UMAD1: variants seen among roughly 807,000 people sequenced by gnomAD.
UMAD1 encodes UBAP1-MVB12-associated (UMA) domain containing 1, also known as UBAP1-MVB12-associated (UMA)-domain containing protein 1.
A neutral mutation model predicts 6.1 loss-of-function variants in UMAD1; 8 were observed. The ratio of observed to expected loss-of-function variants is 1.30; its 90% confidence interval spans 0.76 to 2.35. UMAD1 has a LOEUF of 2.35. UMAD1 is among the 30% of genes most tolerant of loss of function. The pLI is 0.00. For synonymous variants in UMAD1, 56 were observed against 31.4 expected (o/e 1.78, Z -2.61); for missense variants, 130 against 78.4 (o/e 1.66, Z -2.49).
chr7:7,696,982 G>A (rs1305424378), intron 2 of UMAD1, among the ~76,000 whole-genome samples: 1 of 152,102 alleles, frequency 6.6e-6, no homozygotes, highest in East Asian at 1.9e-4. Flanking sequence ...AGCTTAGCAA[G>A]CTCAGTAAAC....
At chr7:7,724,410 G>A (rs1247389825) in intron 2 of UMAD1, among the ~76,000 whole-genome samples, 1 of 152,174 alleles carries the variant, frequency 6.6e-6, no homozygotes, top group Non-Finnish European at 1.5e-5. Flanking sequence ...GACACACTTA[G>A]TAGCTGGCAG....
At chr7:7,806,452 A>G (rs1782915529) in intron 3 of UMAD1, among the ~76,000 whole-genome samples, 1 of 152,172 alleles carries the variant, frequency 6.6e-6, no homozygotes, top group South Asian at 2.1e-4. Flanking sequence ...GCTATAGCTT[A>G]ATTAGCTTTA....
At chr7:7,703,427 C>G (rs1046119986) in intron 2 of UMAD1, among the ~76,000 whole-genome samples, 1 of 152,046 alleles carries the variant, frequency 6.6e-6, no homozygotes, top group Non-Finnish European at 1.5e-5. Flanking sequence ...TTTGTGAGTG[C>G]TCTAATTTCT....
intron 2 of UMAD1, chr7:7,676,260 A>G (rs186667924): frequency 8.8e-5 from 35 of 398,120 alleles, no homozygotes; most frequent in East Asian, 6.1e-4. Context: ...TGAGCACGAT[A>G]TCGGTACCTA....
chr7:7,648,880 C>T (rs543375997), intron 1 of UMAD1, among the ~76,000 whole-genome samples: 1 of 151,474 alleles, frequency 6.6e-6, no homozygotes, highest in Admixed American at 6.6e-5. Context: ...AAAAAAAGGC[C>T]GGGCGCGGTC....
At chr7:7,867,176 A>G (rs953587569) in intron 3 of UMAD1, among the ~76,000 whole-genome samples, 2 of 152,204 alleles carry the variant, frequency 1.3e-5, no homozygotes, top group Admixed American at 1.3e-4. Flanking sequence ...GCCAGGTTTA[A>G]AACATGTTGA....
chr7:7,877,771 G>T lies in UMAD1; in HGVS notation c.*233G>T, dbSNP rs1318280815. ...ATAATAAATATACAAATTAGGCTAT[G>T]AAGGTTTTAGGAAAGGACTCGATTC... is the stretch of plus-strand genomic sequence containing the variant. On this transcript the variant is annotated 3_prime_UTR_variant, in exon 4 of 4. Coordinates refer to ENST00000682710, the MANE Select transcript of UMAD1 (RefSeq NM_001302348.2). 2.1e-6 allele frequency: 1 copy of T among 480,242 alleles called. No homozygotes were observed. The highest frequency in any genetic ancestry group is 3.7e-6 in the Non-Finnish European group (1 of 270,094). 29.7% of individuals were successfully genotyped at this position (480,242 alleles called of 1,614,324 possible). A position where few individuals can be genotyped will look rare whatever the true frequency, so the allele number is the denominator to read the frequency against.
chr7:7,693,295 T>TTGTCTATC (rs1554315943), intron 2 of UMAD1, among the ~76,000 whole-genome samples: 1 of 148,886 alleles, frequency 6.7e-6, no homozygotes, highest in Non-Finnish European at 1.5e-5. Context: ...TAAAATATCT[T>TTGTCTATC]TATCTATCTA....
intron 3 of UMAD1, among the ~76,000 whole-genome samples, chr7:7,871,614 C>T (rs1424551629): frequency 6.6e-6 from 1 of 152,182 alleles, no homozygotes; most frequent in Non-Finnish European, 1.5e-5. Flanking sequence ...GTCTTGTCAT[C>T]ATTGTCATCC....
At chr7:7,725,123 A>T (rs762739751) in intron 2 of UMAD1, among the ~76,000 whole-genome samples, 1 of 152,218 alleles carries the variant, frequency 6.6e-6, no homozygotes, top group South Asian at 2.1e-4. Flanking sequence ...GCCTGTTGAG[A>T]TATTCCTTCT....
In UMAD1 at chr7:7,873,446, G is replaced by A. The variant is rs182847633; in HGVS notation, c.157-3835G>A. Among the ~76,000 whole-genome samples the A allele has an allele frequency of 1.4e-4, 21 of 152,282 alleles. 2 individuals are homozygous for A. The highest frequency in any genetic ancestry group is 4.6e-4 in the African/African-American group (19 of 41,562). ...TCATACCTGCACTCTTGGCTGACCC[G>A]AGGATAATTAGCATGGTGAGTCCCA... is the stretch of plus-strand genomic sequence containing the variant. On this transcript the variant is annotated intron_variant, in intron 3 of 3. Transcript: ENST00000682710.
rs189794655 is a variant in UMAD1, at chr7:7,846,902, G to C, written c.157-30379G>C. On this transcript the variant is annotated intron_variant, in intron 3 of 3. Transcript: ENST00000682710. ...AGGGGAATATCACACTCTGGGGACT[G>C]TGGTGGGGTCGGGGGAGGGGGTAGG... Among the ~76,000 whole-genome samples, 792 of 116,430 alleles carry C rather than the reference G, an allele frequency of 6.8e-3. 20 individuals are homozygous for C. Among genetic ancestry groups the C allele is most frequent in the African/African-American group, 0.028 (744 of 26,926 alleles). The allele number at this position is 116,430 out of a possible 152,430, so 76.4% of individuals were successfully genotyped here.
chr7:7,755,310 A>G (rs543067861), intron 2 of UMAD1, among the ~76,000 whole-genome samples: 18 of 152,196 alleles, frequency 1.2e-4, no homozygotes, highest in Non-Finnish European at 2.5e-4. Flanking sequence ...TTCCTTCCCA[A>G]TAGCACTCAC....
intron 2 of UMAD1, among the ~76,000 whole-genome samples, chr7:7,737,633 G>T (rs1281801247): frequency 2.0e-5 from 3 of 152,148 alleles, no homozygotes; most frequent in Non-Finnish European, 4.4e-5. Flanking sequence ...GACAGCAGTG[G>T]TTGTACTATT....
intron 2 of UMAD1, among the ~76,000 whole-genome samples, chr7:7,741,611 TAATAAA>T (rs1270043277): frequency 5.7e-5 from 8 of 141,270 alleles, no homozygotes; most frequent in East Asian, 2.0e-4. Context: ...ATAATAATAA[TAATAAA>T]AATAATAAAA....
intron 2 of UMAD1, among the ~76,000 whole-genome samples, chr7:7,746,069 T>A (rs1221816682): frequency 6.6e-6 from 1 of 152,166 alleles, no homozygotes; most frequent in African/African-American, 2.4e-5. Context: ...TCTTTTCCTC[T>A]CCCATTAGCA....
At chr7:7,825,766 G>C (rs1783326938) in intron 3 of UMAD1, among the ~76,000 whole-genome samples, 3 of 152,128 alleles carry the variant, frequency 2.0e-5, no homozygotes, top group Non-Finnish European at 4.4e-5. Context: ...AAAAAGCTGA[G>C]GACCTTTTAA....
intron 1 of UMAD1, among the ~76,000 whole-genome samples, chr7:7,644,051 C>G (rs1785039099): frequency 6.6e-6 from 1 of 152,168 alleles, no homozygotes; most frequent in African/African-American, 2.4e-5. Flanking sequence ...TACCAGTTTA[C>G]TCTCTTACCT....
chr7:7,818,862 T>G (rs1467953243), intron 3 of UMAD1, among the ~76,000 whole-genome samples: 1 of 152,178 alleles, frequency 6.6e-6, no homozygotes, highest in Non-Finnish European at 1.5e-5. Context: ...TTTCCTCTGT[T>G]TTTTTGAGAC....
Sources: gnomAD v4.1 joint callset for allele counts (sites outside exome capture counted in the v4.1 genomes callset) on GRCh38, gnomAD v4.1.1 for gene constraint, MANE v1.5 for transcripts, NCBI Gene and HGNC (gene_info 2026-07-23, HGNC 2026-07-21) for gene names.